NLGN1: variants seen among roughly 807,000 people sequenced by gnomAD.
NLGN1 encodes the protein neuroligin 1.
Under a neutral mutation model 65.5 loss-of-function variants are expected in NLGN1, and 12 were observed. The ratio of observed to expected loss-of-function variants is 0.18; its 90% CI spans 0.12 to 0.30. NLGN1 has a LOEUF of 0.30. Among genes scored for constraint, NLGN1 ranks in the 10% least tolerant of loss-of-function variants. NLGN1 has a pLI of 1.00. For synonymous variants in NLGN1, 350 were observed against 359.5 expected (o/e 0.97, Z 0.30); for missense variants, 750 against 1,007.1 (o/e 0.74, Z 3.46).
In NLGN1 at chr3:174,064,733, A is replaced by T. The variant is rs930778482; in HGVS notation, c.647-210582A>T. ...CTTTCAACTTCTCAATAGTTTTGAA[A>T]TTTTTAATAATAAAAAGGTTAGAAG... is the stretch of plus-strand genomic sequence containing the variant. On this transcript the variant is annotated intron_variant, in intron 4 of 6. Transcript: ENST00000457714. Among the ~76,000 whole-genome samples the T allele has an allele frequency of 4.0e-5, 6 of 150,894 alleles. No individual in the cohort carries two copies. In the South Asian group the frequency reaches 1.0e-3, roughly 26 times the overall value.
intron 2 of NLGN1, among the ~76,000 whole-genome samples, chr3:173,595,345 CA>C (rs544475558): frequency 2.0e-4 from 31 of 152,288 alleles, no homozygotes; most frequent in South Asian, 1.0e-3. Flanking sequence ...AGGGCAGAAG[CA>C]AAATGCCACC....
At chr3:174,247,028 C>T (rs956370275) in intron 4 of NLGN1, among the ~76,000 whole-genome samples, 1 of 152,140 alleles carries the variant, frequency 6.6e-6, no homozygotes, top group African/African-American at 2.4e-5. Context: ...TAGCATAGAG[C>T]CTATATAATT....
intron 3 of NLGN1, among the ~76,000 whole-genome samples, chr3:173,806,120 TAA>T (rs1716586953): frequency 6.6e-6 from 1 of 152,136 alleles, no homozygotes; most frequent in East Asian, 1.9e-4. Context: ...ACACTGGTAT[TAA>T]GTCAAATTTA....
chr3:174,236,313 T>A lies in NLGN1; in HGVS notation c.647-39002T>A, dbSNP rs144782013. Among the ~76,000 whole-genome samples the A allele has an allele frequency of 9.9e-4, 150 of 152,204 alleles. 3 individuals are homozygous for A. In the South Asian group the frequency reaches 0.024, roughly 24 times the overall value. On this transcript the variant is annotated intron_variant, in intron 4 of 6. Coordinates refer to ENST00000457714, the Ensembl canonical transcript of NLGN1. ...CCAAATTCTCTATGCCTATATATAT[T>A]TTTTTCCTACCTAGTCTGTTAAATG...
chr3:173,443,320 TA>T (rs1719560105), intron 2 of NLGN1, among the ~76,000 whole-genome samples: 1 of 8,760 alleles, frequency 1.1e-4, no homozygotes, highest in African/African-American at 1.6e-4. Flanking sequence ...ATATATATAC[TA>T]TATATATATA....
chr3:173,909,641 C>A (rs1739172481), intron 4 of NLGN1, among the ~76,000 whole-genome samples: 1 of 152,132 alleles, frequency 6.6e-6, no homozygotes, highest in African/African-American at 2.4e-5. Context: ...ATTGCAACCA[C>A]CCTCCCCACA....
chr3:173,788,731 G>A (rs1380094563), intron 3 of NLGN1, among the ~76,000 whole-genome samples: 2 of 150,744 alleles, frequency 1.3e-5, no homozygotes, highest in Admixed American at 6.7e-5. Context: ...TGAGGCAGGA[G>A]GATCACTTGA....
At chr3:174,151,182 A>G (rs1370845473) in intron 4 of NLGN1, among the ~76,000 whole-genome samples, 1 of 151,922 alleles carries the variant, frequency 6.6e-6, no homozygotes, top group African/African-American at 2.4e-5. Context: ...ATACTCCTTC[A>G]CTTTGAAACA....
At chr3:173,457,057 G>A (rs1029361910) in intron 2 of NLGN1, among the ~76,000 whole-genome samples, 16 of 151,824 alleles carry the variant, frequency 1.1e-4, no homozygotes, top group African/African-American at 2.9e-4. Flanking sequence ...ACATCCAATC[G>A]GAATTCATGA....
intron 3 of NLGN1, among the ~76,000 whole-genome samples, chr3:173,740,485 C>G (rs183762004): frequency 6.6e-6 from 1 of 152,168 alleles, no homozygotes; most frequent in East Asian, 1.9e-4. Context: ...AAGTCCAGAC[C>G]TGCCAATATA....
chr3:173,485,591 T>C (rs1157502269), intron 2 of NLGN1, among the ~76,000 whole-genome samples: 1 of 152,176 alleles, frequency 6.6e-6, no homozygotes, highest in East Asian at 1.9e-4. Context: ...TCTCTTAATA[T>C]TTTCAGTTCA....
Position 174,078,139 on chromosome 3 carries a change from G to GA in NLGN1, c.647-197168dup, listed in dbSNP as rs139223132. Among the ~76,000 whole-genome samples the GA allele has an allele frequency of 8.6e-3, 1,303 of 151,596 alleles. 5 individuals are homozygous for GA. The highest frequency in any genetic ancestry group is 0.013 in the Non-Finnish European group (915 of 67,860). ...ATATGATGTCTCTATTATATTTTTA[G>GA]AAAAAAAACACTAGTGAGGTTTTCA... On this transcript the variant is annotated intron_variant, in intron 4 of 6. Coordinates refer to ENST00000457714, the Ensembl canonical transcript of NLGN1.
At chr3:173,835,013 C>G (rs1723334480) in intron 4 of NLGN1, among the ~76,000 whole-genome samples, 1 of 152,166 alleles carries the variant, frequency 6.6e-6, no homozygotes, top group South Asian at 2.1e-4. Context: ...CTAATTCTGG[C>G]AATGAATTCT....
At chr3:174,288,784 G>A (rs964738902), downstream of NLGN1, among the ~76,000 whole-genome samples, 2 of 151,370 alleles carry the variant, frequency 1.3e-5, no homozygotes, top group African/African-American at 4.8e-5. Flanking sequence ...ATTACACAAA[G>A]TATATTTATT....
chr3:173,767,067 G>C (rs549275259), intron 3 of NLGN1, among the ~76,000 whole-genome samples: 5 of 152,114 alleles, frequency 3.3e-5, no homozygotes, highest in Non-Finnish European at 7.4e-5. Flanking sequence ...GTATTTTAAA[G>C]CTTCAGCTAT....
chr3:173,708,238 T>G (rs946770606), intron 3 of NLGN1, among the ~76,000 whole-genome samples: 5 of 152,188 alleles, frequency 3.3e-5, no homozygotes. Flanking sequence ...ACTTTTATAA[T>G]GACCCAGAAG....
chr3:173,669,169 G>T (rs1366211932), intron 3 of NLGN1, among the ~76,000 whole-genome samples: 2 of 152,184 alleles, frequency 1.3e-5, no homozygotes, highest in Non-Finnish European at 2.9e-5. Flanking sequence ...GTGACAATAG[G>T]TAGAATGACT....
chr3:173,482,192 C>G (rs913845184), intron 2 of NLGN1, among the ~76,000 whole-genome samples: 1 of 151,798 alleles, frequency 6.6e-6, no homozygotes, highest in Non-Finnish European at 1.5e-5. Context: ...AAATGCCTTT[C>G]TCATGTTTAG....
chr3:173,767,642 A>G (rs145027649), intron 3 of NLGN1, among the ~76,000 whole-genome samples: 1 of 152,166 alleles, frequency 6.6e-6, no homozygotes, highest in East Asian at 1.9e-4. Context: ...GAATAGTGCA[A>G]TTTGTTTAAT....
Sources: allele counts gnomAD v4.1 joint callset (sites outside exome capture counted in the v4.1 genomes callset), GRCh38; gene constraint gnomAD v4.1.1; transcripts MANE v1.5; gene names NCBI Gene and HGNC (gene_info 2026-07-23, HGNC 2026-07-21).